The following NSMCE2 variants were observed in gnomAD, a reference collection of about 807,000 sequenced individuals.
NSMCE2 encodes NSE2 SUMO ligase component of SMC5/6 complex.
NSMCE2 carries 24 observed loss-of-function variants against 23.8 expected under a neutral mutation model. That is an observed-to-expected ratio of 1.01 (90% CI 0.73 to 1.42). NSMCE2 has a LOEUF of 1.42. Among genes scored for constraint, NSMCE2 ranks in the 40% most tolerant of loss-of-function variants. The pLI is 0.00. For missense variants in NSMCE2, 284 were observed against 296.5 expected (o/e 0.96, Z 0.31); for synonymous variants, 92 against 94.1 (o/e 0.98, Z 0.13).
intron 5 of NSMCE2, among the ~76,000 whole-genome samples, chr8:125,295,659 C>A (rs1828294082): frequency 6.6e-6 from 1 of 152,184 alleles, no homozygotes; most frequent in Non-Finnish European, 1.5e-5. Flanking sequence ...ATCCCATGTT[C>A]TGCCTCATTG....
intron 7 of NSMCE2, among the ~76,000 whole-genome samples, chr8:125,366,495 G>A (rs374711405): frequency 1.5e-3 from 227 of 152,054 alleles, no homozygotes; most frequent in African/African-American, 5.1e-3. Flanking sequence ...AGCCAGGATC[G>A]TGCCACTGCA....
intron 5 of NSMCE2, among the ~76,000 whole-genome samples, chr8:125,303,198 C>T (rs577508771): frequency 6.6e-6 from 1 of 152,286 alleles, no homozygotes; most frequent in East Asian, 1.9e-4. Context: ...CCTCTGTGAA[C>T]CTGCAGTTCA....
chr8:125,184,892 A>G (rs989927737), intron 5 of NSMCE2, among the ~76,000 whole-genome samples: 3 of 152,182 alleles, frequency 2.0e-5, no homozygotes, highest in Non-Finnish European at 2.9e-5. Context: ...AGGAATTACA[A>G]TAATAATTTT....
At chr8:125,222,597 C>T (rs1350765866) in intron 5 of NSMCE2, among the ~76,000 whole-genome samples, 2 of 152,090 alleles carry the variant, frequency 1.3e-5, no homozygotes, top group Non-Finnish European at 2.9e-5. Flanking sequence ...TTAGATTCCA[C>T]GTGTAAGTGA....
chr8:125,151,603 A>G (rs1821034018), intron 4 of NSMCE2, among the ~76,000 whole-genome samples: 3 of 152,204 alleles, frequency 2.0e-5, no homozygotes, highest in African/African-American at 7.2e-5. Flanking sequence ...TTATTGTTCT[A>G]TTTGCTTAAA....
At position 125,281,980 on chromosome 8, in the gene NSMCE2, C is replaced by A. The variant is rs145919110; in HGVS notation, c.419-75239C>A. Among the ~76,000 whole-genome samples the A allele has an allele frequency of 2.0e-5, 3 of 152,166 alleles. 1 individual carries two copies. In the South Asian group the frequency reaches 6.2e-4, roughly 32 times the overall value. On this transcript the variant is annotated intron_variant, in intron 5 of 7. Transcript: ENST00000287437. ...TTGCAAACTCTAACTCCTGCAGGGG[C>A]CAGGGAGGGAAGGAAATGGATAAAA...
intron 5 of NSMCE2, among the ~76,000 whole-genome samples, chr8:125,269,150 C>T (rs1362152144): frequency 3.3e-5 from 5 of 152,092 alleles, no homozygotes; most frequent in African/African-American, 7.2e-5. Context: ...GCAAGTGACA[C>T]GATCTCGACT....
At chr8:125,323,257 A>G (rs1217822300) in intron 5 of NSMCE2, among the ~76,000 whole-genome samples, 1 of 152,246 alleles carries the variant, frequency 6.6e-6, no homozygotes, top group Admixed American at 6.5e-5. Flanking sequence ...AGAAACCACA[A>G]TCAGAATCCC....
At chr8:125,125,519 A>T (rs1017640446) in intron 3 of NSMCE2, among the ~76,000 whole-genome samples, 9 of 152,214 alleles carry the variant, frequency 5.9e-5, no homozygotes, top group Non-Finnish European at 1.2e-4. Context: ...TAGAAACCTA[A>T]TTGCAGGAAA....
At chr8:125,219,041 AG>A (rs1288382653) in intron 5 of NSMCE2, among the ~76,000 whole-genome samples, 1 of 152,164 alleles carries the variant, frequency 6.6e-6, no homozygotes, top group African/African-American at 2.4e-5. Context: ...GAAAAATGTG[AG>A]TGCTTGTGAT....
At chr8:125,156,468 T>C (rs1021493616) in intron 4 of NSMCE2, among the ~76,000 whole-genome samples, 1 of 152,232 alleles carries the variant, frequency 6.6e-6, no homozygotes. Context: ...ATATTTGTTT[T>C]TTTAAGTCAA....
In NSMCE2 at chr8:125,214,503, C is replaced by T. The variant is rs576228964; in HGVS notation, c.418+32247C>T. Among the ~76,000 whole-genome samples the T allele has an allele frequency of 1.9e-4, 29 of 152,198 alleles. No individual in the cohort carries two copies. In the South Asian group the frequency reaches 2.3e-3, roughly 12 times the overall value. On this transcript the variant is annotated intron_variant, in intron 5 of 7. Coordinates refer to ENST00000287437, the MANE Select transcript of NSMCE2 (RefSeq NM_173685.4). ...CTGGCGGGGTCAGTACAGGACCCTACGTGAAAGAAAGGAGTTTGCCACAGA... is the reference window on the plus strand; with the variant it reads ...CTGGCGGGGTCAGTACAGGACCCTATGTGAAAGAAAGGAGTTTGCCACAGA...
rs59285361 is a variant in NSMCE2 at position 125,183,634 on chromosome 8, G to GGTGTGTGTGTGTGTGTGTGTGT, written c.418+1385_418+1406dup. 5.4e-3 allele frequency among the ~76,000 whole-genome samples: 795 copies of GGTGTGTGTGTGTGTGTGTGTGT among 147,570 alleles called. 10 individuals carry two copies. Among genetic ancestry groups the GGTGTGTGTGTGTGTGTGTGTGT allele is most frequent in the African/African-American group, 0.019 (778 of 40,048 alleles). On this transcript the variant is annotated intron_variant, in intron 5 of 7. Transcript: ENST00000287437. ...TTATCCATGATATTTATTACTCAGT[G>GGTGTGTGTGTGTGTGTGTGTGT]GTGTGTGTGTGTGTGTGTGTGTGTG... is the stretch of plus-strand genomic sequence containing the variant.
At chr8:125,310,678 T>A (rs1828944032) in intron 5 of NSMCE2, among the ~76,000 whole-genome samples, 1 of 152,178 alleles carries the variant, frequency 6.6e-6, no homozygotes, top group African/African-American at 2.4e-5. Context: ...ACCATTCCAA[T>A]GAATAAATGC....
chr8:125,180,386 C>G (rs1440096445), intron 4 of NSMCE2, among the ~76,000 whole-genome samples: 1 of 152,180 alleles, frequency 6.6e-6, no homozygotes, highest in Non-Finnish European at 1.5e-5. Flanking sequence ...AGAAGACAGT[C>G]CGTTCCTACA....
At chr8:125,121,300 T>C (rs1255044904) in intron 3 of NSMCE2, among the ~76,000 whole-genome samples, 2 of 152,212 alleles carry the variant, frequency 1.3e-5, no homozygotes, top group Non-Finnish European at 2.9e-5. Context: ...AGACAAAGAT[T>C]TGCGCTTCCT....
At chr8:125,151,798 A>G (rs750177921) in intron 4 of NSMCE2, among the ~76,000 whole-genome samples, 1 of 152,218 alleles carries the variant, frequency 6.6e-6, no homozygotes, top group African/African-American at 2.4e-5. Context: ...GGAACAACAC[A>G]TAAGGCAGTT....
In NSMCE2 at chr8:125,331,588, C is replaced by CTT. The variant is rs35463931; in HGVS notation, c.419-25621_419-25620dup. ...CTCCTCCCTGAAGTTTAAAAACGAT[C>CTT]TTTTTTTTTTTAACAAAATAACCAG... On this transcript the variant is annotated intron_variant, in intron 5 of 7. Coordinates refer to ENST00000287437, the MANE Select transcript of NSMCE2 (RefSeq NM_173685.4). 6.1e-5 allele frequency among the ~76,000 whole-genome samples: 9 copies of CTT among 147,642 alleles called. No homozygotes were observed. The South Asian group carries it at 1.3e-3, about 21-fold the overall frequency.
chr8:125,218,661 C>A (rs112888185), intron 5 of NSMCE2, among the ~76,000 whole-genome samples: 15,034 of 152,094 alleles, frequency 0.099, 956 homozygotes, highest in South Asian at 0.17. Flanking sequence ...ATCCACCCGC[C>A]TCAGCCTTCC....
Sources: gnomAD v4.1 joint callset for allele counts (sites outside exome capture counted in the v4.1 genomes callset) on GRCh38, gnomAD v4.1.1 for gene constraint, MANE v1.5 for transcripts, NCBI Gene and HGNC (gene_info 2026-07-23, HGNC 2026-07-21) for gene names.